Variants in CHRM5 observed in about 807,000 individuals in gnomAD.
CHRM5 encodes the protein muscarinic acetylcholine receptor M5.
In CHRM5, 18 loss-of-function variants were observed where a neutral mutation model predicts 39.0. The observed-to-expected ratio is 0.46, with a 90% CI of 0.32 to 0.68. The LOEUF is 0.68. Among genes scored for constraint, CHRM5 ranks in the 30% least tolerant of loss-of-function variants. The pLI is 0.04. For missense variants in CHRM5, 515 were observed against 651.1 expected (o/e 0.79, Z 2.28); for synonymous variants, 241 against 246.3 (o/e 0.98, Z 0.20).
chr15:34,005,196 C>A (rs1897292231), intron 1 of CHRM5, among the ~76,000 whole-genome samples: 1 of 152,086 alleles, frequency 6.6e-6, no homozygotes, highest in Non-Finnish European at 1.5e-5. Context: ...CTTCATCTCT[C>A]CACTTAATAA....
chr15:34,047,822 T>C (rs1203312973), intron 2 of CHRM5, among the ~76,000 whole-genome samples: 5 of 151,968 alleles, frequency 3.3e-5, no homozygotes, highest in Non-Finnish European at 7.4e-5. Context: ...AATCTCGGCT[T>C]ACTGCAACCT....
At chr15:33,995,640 G>A (rs1175970310) in intron 1 of CHRM5, among the ~76,000 whole-genome samples, 1 of 152,164 alleles carries the variant, frequency 6.6e-6, no homozygotes, top group South Asian at 2.1e-4. Context: ...GACATTTTTC[G>A]AAGTTACTGA....
At chr15:34,004,868 A>G (rs1222818734) in intron 1 of CHRM5, among the ~76,000 whole-genome samples, 2 of 152,168 alleles carry the variant, frequency 1.3e-5, no homozygotes, top group African/African-American at 4.8e-5. Flanking sequence ...ATCTAAAGAC[A>G]TGGTTCAAAG....
intron 1 of CHRM5, among the ~76,000 whole-genome samples, chr15:34,033,262 T>A (rs550214169): frequency 5.6e-4 from 85 of 152,096 alleles, no homozygotes; most frequent in Admixed American, 9.8e-4. Context: ...TCCTAGCACG[T>A]CAGGAGGCAG....
intron 1 of CHRM5, chr15:34,038,964 CG>C: frequency 9.0e-7 from 1 of 1,109,902 alleles, no homozygotes; most frequent in South Asian, 3.9e-5. Flanking sequence ...GGCTCCGGGC[CG>C]CTCGCTGTGG....
chr15:34,006,442 G>C (rs773471597), intron 1 of CHRM5, among the ~76,000 whole-genome samples: 4 of 152,188 alleles, frequency 2.6e-5, no homozygotes, highest in African/African-American at 9.7e-5. Context: ...AGAGTTCAGA[G>C]AGGCTTCTCC....
At chr15:33,996,791 C>A (rs1896954507) in intron 1 of CHRM5, among the ~76,000 whole-genome samples, 1 of 152,176 alleles carries the variant, frequency 6.6e-6, no homozygotes, top group East Asian at 1.9e-4. Context: ...AACCAGAGCG[C>A]CTCTTGTCCT....
At chr15:34,052,152 A>G (rs1057189722) in intron 2 of CHRM5, among the ~76,000 whole-genome samples, 3 of 152,202 alleles carry the variant, frequency 2.0e-5, no homozygotes, top group African/African-American at 7.2e-5. Context: ...ATCCACCACA[A>G]TCAAGTTGGC....
Position 34,064,239 on chromosome 15 carries a change from A to G in CHRM5, c.1522A>G (p.Met508Val). Residue 508 changes from methionine to valine, a missense_variant, in exon 3 of 3, where the codon ATG (methionine) becomes GTG (valine). Coordinates refer to ENST00000383263, the MANE Select transcript of CHRM5 (RefSeq NM_012125.4). ...CAGAACCTTCAGGAAGACCTTTAAG[A>G]TGCTGCTTCTCTGCCGATGGAAAAA... The part of the protein sequence containing the change: ...CNRTFRKTFK[M>V]LLLCRWKKKK... The G allele has an allele frequency of 6.2e-7, 1 of 1,614,120 alleles. No individual in the cohort carries two copies. Among genetic ancestry groups the G allele is most frequent in the Non-Finnish European group, 8.5e-7 (1 of 1,180,028 alleles).
intron 1 of CHRM5, among the ~76,000 whole-genome samples, chr15:34,022,042 C>T (rs548013232): frequency 2.6e-5 from 4 of 152,298 alleles, no homozygotes; most frequent in Non-Finnish European, 5.9e-5. Flanking sequence ...TGGAATAAGA[C>T]GGCATTGTTT....
chr15:34,036,336 T>C (rs962068077), intron 1 of CHRM5, among the ~76,000 whole-genome samples: 1 of 147,468 alleles, frequency 6.8e-6, no homozygotes, highest in Non-Finnish European at 1.5e-5. Context: ...TGTTTTCCAT[T>C]TGTATGCAGT....
In CHRM5 at chr15:34,063,860, C is replaced by A; in HGVS notation, c.1143C>A (p.Phe381Leu). The change falls in exon 3 of 3, where the codon TTC (phenylalanine) becomes TTA (leucine). Residue 381 changes from phenylalanine to leucine, a missense_variant. Phe to Leu is a conservative substitution (Grantham distance 22). Transcript: ENST00000383263. This position sits in a 1 kb window ranked among gnomAD's most constrained non-coding sequence, Gnocchi z 4.1. ...GTCAGAAATGTGTGGCCTATAAGTT[C>A]CGATTGGTGGTAAAAGCTGACGGGA... ...PKSQKCVAYK[F>L]RLVVKADGNQ... The A allele has an allele frequency of 6.2e-7, 1 of 1,614,126 alleles. No individual in the cohort carries two copies. Among genetic ancestry groups the A allele is most frequent in the Non-Finnish European group, 8.5e-7 (1 of 1,180,014 alleles).
intron 1 of CHRM5, among the ~76,000 whole-genome samples, chr15:33,995,406 T>C (rs1896892709): frequency 6.6e-6 from 1 of 152,236 alleles, no homozygotes; most frequent in Non-Finnish European, 1.5e-5. Context: ...ATTTAAAGTA[T>C]ATAAAGGAAG....
rs147298846 is a variant in CHRM5, at chr15:33,974,886, C to T, written c.-408+5736C>T. Among the ~76,000 whole-genome samples, 34 of 152,246 alleles carry T rather than the reference C, an allele frequency of 2.2e-4. 3 individuals are homozygous for T. The South Asian group carries it at 7.0e-3, about 32-fold the overall frequency. ...TACTTGGAGGCTGGGGCCGGAGAAT[C>T]GCTTGAACCCAGGAGGTGGAGCTTG... On this transcript the variant is annotated intron_variant, in intron 1 of 2. Coordinates refer to ENST00000383263, the MANE Select transcript of CHRM5 (RefSeq NM_012125.4).
At chr15:34,015,469 G>A (rs538277166) in intron 1 of CHRM5, among the ~76,000 whole-genome samples, 165 of 151,384 alleles carry the variant, frequency 1.1e-3, no homozygotes, top group African/African-American at 3.8e-3. Flanking sequence ...GTGACAGAGC[G>A]AGACTCCATC....
intron 2 of CHRM5, among the ~76,000 whole-genome samples, chr15:34,047,253 A>G (rs1330685961): frequency 6.6e-6 from 1 of 151,852 alleles, no homozygotes; most frequent in Non-Finnish European, 1.5e-5. Flanking sequence ...AACTTTTTGT[A>G]TTTTTAGTAG....
chr15:34,021,797 G>A (rs1898212553), intron 1 of CHRM5, among the ~76,000 whole-genome samples: 1 of 152,152 alleles, frequency 6.6e-6, no homozygotes, highest in Non-Finnish European at 1.5e-5. Context: ...GGAGGTTGCA[G>A]TGAGCCGAGG....
intron 1 of CHRM5, among the ~76,000 whole-genome samples, chr15:33,983,081 A>G (rs1422548359): frequency 6.6e-6 from 1 of 151,866 alleles, no homozygotes; most frequent in African/African-American, 2.4e-5. Context: ...ACGTGGATAT[A>G]TAAATCACTT....
intron 1 of CHRM5, among the ~76,000 whole-genome samples, chr15:34,014,356 C>T (rs1396219439): frequency 9.2e-6 from 1 of 108,450 alleles, no homozygotes; most frequent in African/African-American, 3.6e-5. Flanking sequence ...AAGAGCGAAA[C>T]TCCATCTCAT....
Sources: gnomAD v4.1 joint callset for allele counts (sites outside exome capture counted in the v4.1 genomes callset) on GRCh38, gnomAD v4.1.1 for gene constraint, Gnocchi (gnomAD v3.1) non-coding constraint, MANE v1.5 for transcripts, NCBI Gene and HGNC (gene_info 2026-07-23, HGNC 2026-07-21) for gene names.